The following HHAT variants were observed in gnomAD, a reference collection of about 807,000 sequenced individuals.
HHAT encodes the protein protein-cysteine N-palmitoyltransferase HHAT.
A neutral mutation model predicts 70.8 loss-of-function variants in HHAT; 47 were observed. The observed-to-expected ratio is 0.66, with a 90% CI of 0.53 to 0.85. HHAT has a LOEUF of 0.85. Ranked by LOEUF, HHAT falls within the 40% of genes least tolerant of loss-of-function variation. HHAT has a pLI of 0.00. For synonymous variants in HHAT, 228 were observed against 247.6 expected, an observed-to-expected ratio of 0.92 and a Z score of 0.74; for missense variants, 609 against 604.8, an observed-to-expected ratio of 1.01 and a Z score of -0.07.
intron 3 of HHAT, among the ~76,000 whole-genome samples, chr1:210,378,324 G>A (rs1161490320): frequency 7.9e-5 from 12 of 152,064 alleles, no homozygotes. Flanking sequence ...ATTATATATG[G>A]TCTCAAAGTA....
intron 11 of HHAT, among the ~76,000 whole-genome samples, chr1:210,649,989 T>C (rs1006518569): frequency 5.9e-5 from 9 of 152,222 alleles, no homozygotes; most frequent in African/African-American, 2.2e-4. Context: ...TTTGGATTTA[T>C]AGTTGTGAGA....
intron 10 of HHAT, among the ~76,000 whole-genome samples, chr1:210,591,810 GT>G (rs2148797529): frequency 6.6e-6 from 1 of 152,140 alleles, no homozygotes; most frequent in South Asian, 2.1e-4. Flanking sequence ...TCATATACCT[GT>G]TTGCCATTCA....
At chr1:210,467,966 A>C (rs576567974) in intron 8 of HHAT, among the ~76,000 whole-genome samples, 2 of 152,342 alleles carry the variant, frequency 1.3e-5, no homozygotes, top group South Asian at 4.1e-4. Context: ...CTTCCTTGCC[A>C]TGCTAGTTCA....
intron 9 of HHAT, among the ~76,000 whole-genome samples, chr1:210,574,306 G>A (rs1657112721): frequency 6.6e-6 from 1 of 152,214 alleles, no homozygotes; most frequent in Non-Finnish European, 1.5e-5. Flanking sequence ...GGATGGGATG[G>A]CATGATTACA....
chr1:210,472,346 ACT>A (rs1303119442), intron 8 of HHAT, among the ~76,000 whole-genome samples: 1 of 152,146 alleles, frequency 6.6e-6, no homozygotes, highest in Non-Finnish European at 1.5e-5. Context: ...AAGTGGAGTA[ACT>A]CTCCTCAGAT....
chr1:210,659,892 T>C (rs1677272994), intron 11 of HHAT, among the ~76,000 whole-genome samples: 1 of 152,086 alleles, frequency 6.6e-6, no homozygotes, highest in African/African-American at 2.4e-5. Context: ...AAACTCTCAA[T>C]AAAATAGGTA....
At chr1:210,604,587 G>T (rs754783554) in intron 10 of HHAT, among the ~76,000 whole-genome samples, 7 of 151,972 alleles carry the variant, frequency 4.6e-5, no homozygotes, top group Non-Finnish European at 1.0e-4. Flanking sequence ...TCTTATTTTT[G>T]CTTATTTATA....
intron 9 of HHAT, among the ~76,000 whole-genome samples, chr1:210,555,693 C>G (rs1242906896): frequency 6.6e-6 from 1 of 152,204 alleles, no homozygotes; most frequent in East Asian, 1.9e-4. Context: ...TACCAACAAA[C>G]CATTGAATTA....
chr1:210,381,104 T>C (rs1408600493), intron 3 of HHAT, among the ~76,000 whole-genome samples: 1 of 151,950 alleles, frequency 6.6e-6, no homozygotes, highest in Admixed American at 6.6e-5. Context: ...GGAATTGAAG[T>C]AGGTCTAGCA....
intron 2 of HHAT, among the ~76,000 whole-genome samples, chr1:210,354,515 A>G (rs954240443): frequency 3.3e-5 from 5 of 152,026 alleles, no homozygotes; most frequent in Non-Finnish European, 5.9e-5. Context: ...TTTTGTTAAA[A>G]TTTATTTTTA....
At chr1:210,499,884 A>T (rs1240352807) in intron 8 of HHAT, among the ~76,000 whole-genome samples, 1 of 152,220 alleles carries the variant, frequency 6.6e-6, no homozygotes, top group Non-Finnish European at 1.5e-5. Flanking sequence ...CCAATATATC[A>T]TGAGCATGAG....
At chr1:210,391,864 T>C (rs971356859) in intron 4 of HHAT, among the ~76,000 whole-genome samples, 6 of 151,950 alleles carry the variant, frequency 3.9e-5, no homozygotes, top group South Asian at 2.1e-4. Flanking sequence ...ACCAGTGCTA[T>C]GTGATTTTTT....
chr1:210,607,694 A>C (rs1665769770), intron 10 of HHAT, among the ~76,000 whole-genome samples: 1 of 151,950 alleles, frequency 6.6e-6, no homozygotes, highest in Non-Finnish European at 1.5e-5. Context: ...GCCAGGGTCT[A>C]GGGTCATTTA....
At position 210,610,029 on chromosome 1, in the gene HHAT, A is replaced by C. The variant is rs1666270971; in HGVS notation, c.1246-13497A>C. Among the ~76,000 whole-genome samples the C allele has an allele frequency of 3.3e-5, 5 of 152,316 alleles. 1 individual carries two copies. In the South Asian group the frequency reaches 1.0e-3, roughly 32 times the overall value. ...TTTATATTCCCTTGGGTATATACCCAGTAATGGGATTCCTGGGCCAAATGG... is the reference window on the plus strand; with the variant it reads ...TTTATATTCCCTTGGGTATATACCCCGTAATGGGATTCCTGGGCCAAATGG... On this transcript the variant is annotated intron_variant, in intron 10 of 11. Transcript: ENST00000261458.
chr1:210,426,997 T>A (rs531772871), intron 7 of HHAT, among the ~76,000 whole-genome samples: 79 of 152,304 alleles, frequency 5.2e-4, no homozygotes, highest in Non-Finnish European at 1.0e-3. Context: ...AAGTTATTTA[T>A]TACTGCCTCA....
intron 8 of HHAT, among the ~76,000 whole-genome samples, chr1:210,494,416 GTCAAATAT>G (rs2094598388): frequency 6.6e-6 from 1 of 152,132 alleles, no homozygotes; most frequent in Non-Finnish European, 1.5e-5. Context: ...GCGTTACAGA[GTCAAATAT>G]GACTGCAGGG....
rs1324452281 is a variant in HHAT at position 210,386,230 on chromosome 1, C to CTTTCTTTTTTTTTT, written c.160-1235_160-1234insCTTTTTTTTTTTTT. ...ATTGCAGGAGTCCTTTTCTTTTTTTCTTTTTTTTTTTTTTTTTTTTTTTTT... is the reference window on the plus strand; with the variant it reads ...ATTGCAGGAGTCCTTTTCTTTTTTTCTTTCTTTTTTTTTTTTTTTTTTTTTTTTTTTTTTTTTTT... On this transcript the variant is annotated intron_variant, in intron 3 of 11. Transcript: ENST00000261458. Among the ~76,000 whole-genome samples, 75 of 69,924 alleles carry CTTTCTTTTTTTTTT rather than the reference C, an allele frequency of 1.1e-3. 6 individuals carry two copies. Among genetic ancestry groups the CTTTCTTTTTTTTTT allele is most frequent in the Admixed American group, 1.2e-3 (7 of 5,652 alleles). 45.9% of individuals were successfully genotyped at this position (69,924 alleles called of 152,430 possible). A position where few individuals can be genotyped will look rare whatever the true frequency, so the allele number is the denominator to read the frequency against.
rs546248664 is a variant in HHAT at position 210,544,701 on chromosome 1, G to A, written c.1043+31513G>A. ...GGTGTTTTTCAGAGAAGATCTACCA[G>A]CTATTCCTAATCTAGTTCATACATG... On this transcript the variant is annotated intron_variant, in intron 9 of 11. Coordinates refer to ENST00000261458, the MANE Select transcript of HHAT (RefSeq NM_018194.6). Among the ~76,000 whole-genome samples, 37 of 152,184 alleles carry A rather than the reference G, an allele frequency of 2.4e-4. 1 individual carries two copies. The South Asian group carries it at 4.4e-3, about 18-fold the overall frequency.
intron 1 of HHAT, among the ~76,000 whole-genome samples, chr1:210,339,868 C>T (rs147766267): frequency 3.0e-4 from 46 of 152,210 alleles, no homozygotes; most frequent in Admixed American, 8.5e-4. Flanking sequence ...TATGTTGGTG[C>T]GGATGTGGAA....
Sources: allele counts gnomAD v4.1 joint callset (sites outside exome capture counted in the v4.1 genomes callset), GRCh38; gene constraint gnomAD v4.1.1; transcripts MANE v1.5; gene names NCBI Gene and HGNC (gene_info 2026-07-23, HGNC 2026-07-21).